EVL: variants seen among roughly 807,000 people sequenced by gnomAD.
EVL encodes Enah/Vasp-like, also known as ena/VASP-like protein.
In EVL, 21 loss-of-function variants were observed where a neutral mutation model predicts 59.6. That is an observed-to-expected ratio of 0.35 (90% confidence interval 0.25 to 0.51). The LOEUF is 0.51. EVL is among the 20% of genes least tolerant of loss of function. EVL has a pLI of 0.97. For missense variants in EVL, 462 were observed against 546.6 expected (o/e 0.85, Z 1.54); for synonymous variants, 198 against 203.5 (o/e 0.97, Z 0.23).
Position 100,075,840 on chromosome 14 carries a change from A to T in EVL, c.12-8847A>T, listed in dbSNP as rs1413496627. 2.6e-5 allele frequency among the ~76,000 whole-genome samples: 4 copies of T among 152,224 alleles called. No homozygotes were observed. The East Asian group carries it at 7.7e-4, about 29-fold the overall frequency. ...CTTGCCTGTTAATCACCATAGAAGT[A>T]GACCATGCTATTTTTATCAGCTCCG... On this transcript the variant is annotated intron_variant, in intron 1 of 13. Coordinates refer to ENST00000392920, the MANE Select transcript of EVL (RefSeq NM_016337.3).
chr14:100,021,973 TA>T (rs1483720221), intron 1 of EVL, among the ~76,000 whole-genome samples: 1 of 152,086 alleles, frequency 6.6e-6, no homozygotes, highest in African/African-American at 2.4e-5. Flanking sequence ...AACTTGGTTT[TA>T]TAATCTCGGT....
At chr14:99,989,259 T>C (rs1274309996) in intron 1 of EVL, among the ~76,000 whole-genome samples, 1 of 152,092 alleles carries the variant, frequency 6.6e-6, no homozygotes, top group African/African-American at 2.4e-5. Flanking sequence ...CATCCAGGTG[T>C]CTTTTATCAT....
chr14:100,047,005 G>A (rs892755586), intron 1 of EVL, among the ~76,000 whole-genome samples: 7 of 150,756 alleles, frequency 4.6e-5, no homozygotes, highest in Non-Finnish European at 7.4e-5. Flanking sequence ...CACCCGCCTC[G>A]GCCTCCCAAA....
intron 1 of EVL, among the ~76,000 whole-genome samples, chr14:100,053,948 C>T (rs1238592149): frequency 6.6e-6 from 1 of 151,616 alleles, no homozygotes; most frequent in Non-Finnish European, 1.5e-5. Flanking sequence ...TGCCCAGCCC[C>T]TCTTGCATAG....
At chr14:100,094,037 AG>A (rs940311355) in intron 2 of EVL, among the ~76,000 whole-genome samples, 2 of 152,140 alleles carry the variant, frequency 1.3e-5, no homozygotes, top group African/African-American at 4.8e-5. Flanking sequence ...TAGTCTATAT[AG>A]GGTTCTGTAC....
chr14:100,002,008 A>T (rs971475271), intron 1 of EVL, among the ~76,000 whole-genome samples: 1 of 152,256 alleles, frequency 6.6e-6, no homozygotes, highest in African/African-American at 2.4e-5. Context: ...AGAGAAACAA[A>T]TATCCTCCAA....
intron 1 of EVL, among the ~76,000 whole-genome samples, chr14:99,992,892 G>A (rs1194856060): frequency 6.6e-6 from 1 of 151,778 alleles, no homozygotes; most frequent in African/African-American, 2.4e-5. Context: ...TGAGTGTTTT[G>A]TTTTGTTTTG....
intron 1 of EVL, among the ~76,000 whole-genome samples, chr14:99,979,506 G>A (rs1479822593): frequency 2.0e-5 from 3 of 151,920 alleles, no homozygotes; most frequent in African/African-American, 4.8e-5. Context: ...TGTGAAGTTG[G>A]CCCTCTGTGT....
chr14:100,058,426 A>G (rs2061768846), intron 1 of EVL, among the ~76,000 whole-genome samples: 2 of 152,168 alleles, frequency 1.3e-5, no homozygotes, highest in South Asian at 4.1e-4. Context: ...TATGATCACC[A>G]CTTACACTGT....
chr14:99,973,132 A>G (rs1175629730), intron 1 of EVL, among the ~76,000 whole-genome samples: 1 of 152,094 alleles, frequency 6.6e-6, no homozygotes, highest in Non-Finnish European at 1.5e-5. Context: ...TGGTGCATTC[A>G]TTTCGATTGG....
intron 9 of EVL, chr14:100,137,345 C>T (rs1888863518): frequency 3.5e-6 from 2 of 576,544 alleles, no homozygotes; most frequent in Non-Finnish European, 6.2e-6. Context: ...CCAGAGAGAC[C>T]TGGCACAGTG....
chr14:100,131,205 G>T (rs1888414645), intron 7 of EVL, among the ~76,000 whole-genome samples: 1 of 152,188 alleles, frequency 6.6e-6, no homozygotes, highest in Non-Finnish European at 1.5e-5. Context: ...TTTTGGAAAA[G>T]AAAATATGAA....
At chr14:99,979,421 T>C (rs2060791970) in intron 1 of EVL, among the ~76,000 whole-genome samples, 1 of 152,190 alleles carries the variant, frequency 6.6e-6, no homozygotes, top group Admixed American at 6.5e-5. Flanking sequence ...TTCCTGATGA[T>C]TTTTCCATAT....
At chr14:100,026,522 G>T (rs776529103) in intron 1 of EVL, among the ~76,000 whole-genome samples, 1 of 152,106 alleles carries the variant, frequency 6.6e-6, no homozygotes, top group African/African-American at 2.4e-5. Context: ...TTGTCGTGGT[G>T]CCTGGCACGT....
intron 2 of EVL, among the ~76,000 whole-genome samples, chr14:100,085,541 A>C (rs976560484): frequency 6.6e-6 from 1 of 152,212 alleles, no homozygotes; most frequent in Non-Finnish European, 1.5e-5. Context: ...GATTGACAAG[A>C]GCATTTATAG....
At chr14:100,054,322 G>A (rs1329541487) in intron 1 of EVL, among the ~76,000 whole-genome samples, 1 of 151,196 alleles carries the variant, frequency 6.6e-6, no homozygotes, top group Admixed American at 6.6e-5. Context: ...CAAAGTGCTG[G>A]GAATACAGGC....
At position 100,083,511 on chromosome 14, in the gene EVL, A is replaced by C. The variant is rs900040215; in HGVS notation, c.12-1176A>C. ...TTTGGGAATTCTAATATGCTAGAGA[A>C]GATGTTAAAGATTATTAGGTTTATG... On this transcript the variant is annotated intron_variant, in intron 1 of 13. Coordinates refer to ENST00000392920, the MANE Select transcript of EVL (RefSeq NM_016337.3). Among the ~76,000 whole-genome samples the C allele has an allele frequency of 7.9e-5, 12 of 152,144 alleles. No individual in the cohort carries two copies. The South Asian group carries it at 8.3e-4, about 11-fold the overall frequency.
rs181270472 is a variant in EVL at position 100,126,666 on chromosome 14, G to C, written c.423-41G>C. On this transcript the variant is annotated intron_variant, in intron 4 of 13. Coordinates refer to ENST00000392920, the MANE Select transcript of EVL (RefSeq NM_016337.3). ...CAGGCACAGAGTGTGGTGGTCTCCAGAGTGGAGGAGTCAGACTGCCCTGCT... is the reference window on the plus strand; with the variant it reads ...CAGGCACAGAGTGTGGTGGTCTCCACAGTGGAGGAGTCAGACTGCCCTGCT... The C allele has an allele frequency of 1.7e-4, 268 of 1,609,774 alleles. No individual in the cohort carries two copies. In the East Asian group the frequency reaches 4.9e-3, roughly 29 times the overall value.
intron 1 of EVL, among the ~76,000 whole-genome samples, chr14:100,076,880 A>T (rs2062174125): frequency 6.6e-6 from 1 of 152,196 alleles, no homozygotes; most frequent in Non-Finnish European, 1.5e-5. Context: ...CGTAATAACG[A>T]TGACTCCCTT....
Sources: gnomAD v4.1 joint callset for allele counts (sites outside exome capture counted in the v4.1 genomes callset) on GRCh38, gnomAD v4.1.1 for gene constraint, MANE v1.5 for transcripts, NCBI Gene and HGNC (gene_info 2026-07-23, HGNC 2026-07-21) for gene names.